The following CSMD3 variants were observed in gnomAD, a reference collection of about 807,000 sequenced individuals.
CSMD3 encodes CUB and Sushi multiple domains 3.
Under a neutral mutation model 435.2 loss-of-function variants are expected in CSMD3, and 177 were observed. That is an observed-to-expected ratio of 0.41 (90% CI 0.36 to 0.46). The LOEUF (loss-of-function observed/expected upper bound fraction) is 0.46. Among genes scored for constraint, CSMD3 ranks in the 20% least tolerant of loss-of-function variants. The pLI is 0.34. For missense variants in CSMD3, 4,265 were observed against 4,504.6 expected (o/e 0.95, Z 1.52); for synonymous variants, 1,656 against 1,520.5 (o/e 1.09, Z -2.07).
chr8:113,271,661 A>C (rs2093528105), intron 3 of CSMD3, among the ~76,000 whole-genome samples: 1 of 152,186 alleles, frequency 6.6e-6, no homozygotes, highest in Non-Finnish European at 1.5e-5. Context: ...TGGATAACTT[A>C]CGCTAGGGCA....
At chr8:112,936,913 T>A (rs2083296327) in intron 9 of CSMD3, among the ~76,000 whole-genome samples, 1 of 152,152 alleles carries the variant, frequency 6.6e-6, no homozygotes, top group Non-Finnish European at 1.5e-5. Context: ...TAATTTAAAC[T>A]ACCTGTAGCC....
At chr8:112,609,333 C>G (rs1024345933) in intron 22 of CSMD3, among the ~76,000 whole-genome samples, 3 of 151,162 alleles carry the variant, frequency 2.0e-5, no homozygotes, top group Middle Eastern at 3.5e-3. Context: ...CTCAAGCAAC[C>G]CTATTAGGTA....
intron 3 of CSMD3, among the ~76,000 whole-genome samples, chr8:113,208,870 C>A (rs937721175): frequency 6.6e-6 from 1 of 152,018 alleles, no homozygotes; most frequent in Non-Finnish European, 1.5e-5. Context: ...TGATTTCCCT[C>A]TCTTTAAATA....
chr8:112,341,814 A>G, intron 41 of CSMD3, 128 bp from the exon 42 acceptor site: 2 of 722,678 alleles, frequency 2.8e-6, no homozygotes, highest in Non-Finnish European at 4.9e-6. Flanking sequence ...TAATCTCAAG[A>G]TCTGAGTCAT....
chr8:112,336,572 G>T, intron 44 of CSMD3, 80 bp downstream of exon 44: 1 of 1,075,830 alleles, frequency 9.3e-7, no homozygotes, highest in Non-Finnish European at 1.4e-6. Context: ...TTGTAACAGA[G>T]GATTGTGATA....
In CSMD3 at chr8:112,343,670, A is replaced by G. The variant is rs1249587330; in HGVS notation, c.6443-1984T>C. On this transcript the variant is annotated intron_variant, in intron 41 of 70. Coordinates refer to ENST00000297405, the MANE Select transcript of CSMD3 (RefSeq NM_198123.2). The stretch of plus-strand genomic sequence containing the variant: ...TTTCATTTCATTTAATCATTTATTT[A>G]TTTTTTAAAGACAGGGTGGCCCAGC... 2.0e-5 allele frequency among the ~76,000 whole-genome samples: 3 copies of G among 151,842 alleles called. No homozygotes were observed. The East Asian group carries it at 5.8e-4, about 29-fold the overall frequency.
intron 1 of CSMD3, among the ~76,000 whole-genome samples, chr8:113,403,160 T>A (rs1386770631): frequency 6.6e-6 from 1 of 151,356 alleles, no homozygotes; most frequent in East Asian, 1.9e-4. Context: ...TTTCCTAGGA[T>A]TCATCGTAGT....
chr8:112,314,135 T>C, intron 48 of CSMD3, 83 bp from the exon 49 acceptor site: 1 of 990,964 alleles, frequency 1.0e-6, no homozygotes, highest in East Asian at 2.6e-5. Context: ...TAGAATAGTA[T>C]TAAATATGGT....
At position 112,406,577 on chromosome 8, in the gene CSMD3, T is replaced by A. The variant is rs762212162; in HGVS notation, c.5756A>T (p.Glu1919Val). ...ILHGSIAIRC[E>V]TVPNSLAQWN... ...CTGGGCCAAAGAATTGGGCACTGTT[T>A]CACACCTAATTGCTATGGATCCATG... Residue 1919 changes from glutamate to valine, a missense_variant, in exon 35 of 71, where the codon GAA becomes GTA. Glu to Val is a moderately radical substitution (Grantham distance 121). This residue lies in a region of CSMD3 where 3,255 missense variants were observed against 3,380.2 expected (regional missense o/e 0.96). Coordinates refer to ENST00000297405, the MANE Select transcript of CSMD3 (RefSeq NM_198123.2). The A allele has an allele frequency of 2.5e-6, 4 of 1,612,806 alleles. No individual in the cohort carries two copies. Among genetic ancestry groups the A allele is most frequent in the Admixed American group, 1.7e-5 (1 of 59,940 alleles).
At position 112,517,085 on chromosome 8, in the gene CSMD3, T is replaced by C. The variant is rs769653123; in HGVS notation, c.4705A>G (p.Ile1569Val). Residue 1569 changes from isoleucine (I) to valine (V), a missense_variant, in exon 28 of 71, where the codon ATT becomes GTT. Around this residue, in one of 3 missense-constraint regions of CSMD3, gnomAD observed 3,255 missense variants for 3,380.2 expected, o/e 0.96. Transcript: ENST00000297405. ...CAGAAGTACCGATTTTCTACCTGAATGCAGGTTATTCTTTCCTCTCCTTGA... is the reference window on the plus strand; with the variant it reads ...CAGAAGTACCGATTTTCTACCTGAACGCAGGTTATTCTTTCCTCTCCTTGA... ...ELQGEERITC[I>V]QVENRYFWQP... 3.1e-6 allele frequency: 5 copies of C among 1,613,958 alleles called. No homozygotes were observed. Among genetic ancestry groups the C allele is most frequent in the East Asian group, 2.2e-5 (1 of 44,864 alleles).
intron 10 of CSMD3, among the ~76,000 whole-genome samples, chr8:112,915,271 C>G (rs1213350700): frequency 6.6e-6 from 1 of 151,524 alleles, no homozygotes; most frequent in Admixed American, 6.6e-5. Context: ...TTAGCGAAAG[C>G]GTTCATTACT....
intron 43 of CSMD3, 67 bp from the exon 44 acceptor site, chr8:112,336,896 G>A (rs1824621949): frequency 3.1e-6 from 4 of 1,302,276 alleles, no homozygotes; most frequent in East Asian, 4.9e-5. Flanking sequence ...GGAGAAAAAG[G>A]CAAACATTTC....
chr8:113,218,563 T>C (rs1019429262), intron 3 of CSMD3, among the ~76,000 whole-genome samples: 4 of 150,322 alleles, frequency 2.7e-5, no homozygotes, highest in Non-Finnish European at 5.9e-5. Flanking sequence ...TGTAATTTGC[T>C]ACATTGAAGA....
chr8:112,231,673 C>A, intron 68 of CSMD3, 41 bp from the exon 69 acceptor site: 2 of 1,113,360 alleles, frequency 1.8e-6, no homozygotes, highest in Non-Finnish European at 2.8e-6. Flanking sequence ...GAATACTGGC[C>A]ATAGCTATAT....
At chr8:112,528,170 T>C (rs1192829026) in intron 27 of CSMD3, among the ~76,000 whole-genome samples, 2 of 152,158 alleles carry the variant, frequency 1.3e-5, no homozygotes, top group Non-Finnish European at 2.9e-5. Context: ...TTGTAATTAG[T>C]GTGCAGATAT....
chr8:112,376,945 C>T (rs1828998245), intron 38 of CSMD3, among the ~76,000 whole-genome samples: 1 of 152,096 alleles, frequency 6.6e-6, no homozygotes, highest in African/African-American at 2.4e-5. Flanking sequence ...CCCAAACACT[C>T]ACCTAATTAC....
chr8:112,630,888 C>T (rs1040578566), intron 22 of CSMD3, among the ~76,000 whole-genome samples: 4 of 149,334 alleles, frequency 2.7e-5, no homozygotes, highest in South Asian at 2.1e-4. Context: ...TTTGAGTATA[C>T]GGATAGATTT....
rs187397062 is a variant in CSMD3 at position 112,473,658 on chromosome 8, T to C, written c.5279-951A>G. On this transcript the variant is annotated intron_variant, in intron 31 of 70. Transcript: ENST00000297405. ...AAATGCAAAAGAAGTCTGGGTTGAC[T>C]TGGCAATCTGGAGTGTAAGAGTGGA... Among the ~76,000 whole-genome samples, 185 of 151,932 alleles carry C rather than the reference T, an allele frequency of 1.2e-3. 1 individual carries two copies. The highest frequency in any genetic ancestry group is 4.3e-3 in the African/African-American group (178 of 41,460).
At chr8:113,034,345 G>C (rs917792907) in intron 5 of CSMD3, among the ~76,000 whole-genome samples, 1 of 151,426 alleles carries the variant, frequency 6.6e-6, no homozygotes, top group Non-Finnish European at 1.5e-5. Context: ...GATATATTCG[G>C]CAATAAAAAT....
Sources: allele counts gnomAD v4.1 joint callset (sites outside exome capture counted in the v4.1 genomes callset), GRCh38; gene constraint gnomAD v4.1.1; regional missense constraint gnomAD v4.1.1; transcripts MANE v1.5; gene names NCBI Gene and HGNC (gene_info 2026-07-23, HGNC 2026-07-21).